The following MROH1 variants were observed in gnomAD, a reference collection of about 807,000 sequenced individuals.
MROH1 encodes maestro heat-like repeat-containing protein family member 1.
In MROH1, 117 loss-of-function variants were observed where a neutral mutation model predicts 116.5. The observed-to-expected ratio is 1.00, with a 90% CI of 0.86 to 1.17. The LOEUF (loss-of-function observed/expected upper bound fraction) is 1.17. MROH1 is among the 50% of genes most tolerant of loss of function. The pLI is 0.00. For synonymous variants in MROH1, 921 were observed against 583.9 expected, an observed-to-expected ratio of 1.58 and a Z score of -8.32; for missense variants, 1,873 against 1,338.5, an observed-to-expected ratio of 1.40 and a Z score of -6.23.
chr8:144,239,997 G>A (rs999757315), intron 18 of MROH1, 104 bp from the exon 19 acceptor site: 3 of 717,882 alleles, frequency 4.2e-6, no homozygotes, highest in Admixed American at 4.0e-5. Context: ...GCGGGGCGGC[G>A]GGGCCTGTCT....
At chr8:144,200,723 T>G (rs981294860) in intron 12 of MROH1, 182 bp downstream of exon 12, 1 of 591,668 alleles carries the variant, frequency 1.7e-6, no homozygotes, top group Admixed American at 2.8e-5. Flanking sequence ...GTGGTACCTT[T>G]CTACCCTTCG....
At chr8:144,178,520 C>T (rs1468624823) in intron 4 of MROH1, among the ~76,000 whole-genome samples, 8 of 152,136 alleles carry the variant, frequency 5.3e-5, no homozygotes, top group African/African-American at 1.9e-4. Flanking sequence ...CCGCCCGCCT[C>T]GGCCTCCCTA....
intron 7 of MROH1, among the ~76,000 whole-genome samples, chr8:144,187,013 G>GCTTGAA (rs1827361281): frequency 6.6e-6 from 1 of 151,898 alleles, no homozygotes; most frequent in Non-Finnish European, 1.5e-5. Flanking sequence ...CAGGAGAATT[G>GCTTGAA]CTTGAACCTG....
At position 144,236,667 on chromosome 8, in the gene MROH1, C is replaced by T. The variant is rs1176610636; in HGVS notation, c.1339-2089C>T. Among the ~76,000 whole-genome samples the T allele has an allele frequency of 1.6e-4, 25 of 151,732 alleles. No individual in the cohort carries two copies. The South Asian group carries it at 4.2e-3, about 25-fold the overall frequency. On this transcript the variant is annotated intron_variant, in intron 14 of 43. Coordinates refer to ENST00000326134, the MANE Select transcript of MROH1 (RefSeq NM_032450.3). ...CTGAGGGAGGAGAATTGCTTGAACCCGGGAGGCAGAGGTTGCAGTGAGCTG... is the reference window on the plus strand; with the variant it reads ...CTGAGGGAGGAGAATTGCTTGAACCTGGGAGGCAGAGGTTGCAGTGAGCTG...
At chr8:144,213,954 G>A (rs1001510715) in intron 12 of MROH1, 2 of 151,432 alleles carry the variant, frequency 1.3e-5, no homozygotes, top group African/African-American at 4.9e-5. Context: ...TCTTTGTTTT[G>A]GTTTTGTTTT....
intron 12 of MROH1, among the ~76,000 whole-genome samples, chr8:144,209,590 AAG>A (rs1491366384): frequency 7.5e-5 from 11 of 146,142 alleles, no homozygotes; most frequent in African/African-American, 2.7e-4. Flanking sequence ...AAAAAAAAAA[AAG>A]AAAAAAGAAA....
intron 4 of MROH1, among the ~76,000 whole-genome samples, chr8:144,173,428 A>AT (rs869281103): frequency 2.5e-3 from 3 of 1,192 alleles, no homozygotes; most frequent in East Asian, 0.024. Context: ...TTTTTATTTT[A>AT]TTTTTTTTTT....
intron 7 of MROH1, among the ~76,000 whole-genome samples, chr8:144,181,190 C>A (rs1199998759): frequency 1.3e-5 from 2 of 150,248 alleles, no homozygotes; most frequent in Admixed American, 6.6e-5. Context: ...AGAACAGGAC[C>A]CTCGTGCCCA....
intron 35 of MROH1, among the ~76,000 whole-genome samples, chr8:144,257,482 C>T (rs1424188611): frequency 1.3e-5 from 2 of 152,220 alleles, no homozygotes; most frequent in African/African-American, 4.8e-5. Flanking sequence ...CAGGCCGCCT[C>T]ATTCCTGCCG....
Position 144,150,966 on chromosome 8 carries a change from G to A in MROH1, c.-177+2890G>A, listed in dbSNP as rs1359343560. Among the ~76,000 whole-genome samples the A allele has an allele frequency of 2.0e-5, 3 of 152,288 alleles. No homozygotes were observed. The East Asian group carries it at 5.8e-4, about 29-fold the overall frequency. ...TGTGCCTATATAAACCTGAGACCCA[G>A]GCCAGGCGTGATGGCTCACGCCTGT... On this transcript the variant is annotated intron_variant, in intron 1 of 43. Transcript: ENST00000326134.
At chr8:144,225,644 C>T (rs1266408585) in intron 14 of MROH1, among the ~76,000 whole-genome samples, 1 of 151,244 alleles carries the variant, frequency 6.6e-6, no homozygotes, top group East Asian at 2.0e-4. Flanking sequence ...CTCTGCCTCC[C>T]AGGTTCAGGC....
At chr8:144,153,201 CTT>C (rs1186362093) in intron 1 of MROH1, among the ~76,000 whole-genome samples, 2 of 145,310 alleles carry the variant, frequency 1.4e-5, no homozygotes, top group Admixed American at 6.9e-5. Flanking sequence ...GGAATTCCTT[CTT>C]TTTTTTTTTT....
At chr8:144,235,371 C>A (rs2132748156) in intron 14 of MROH1, among the ~76,000 whole-genome samples, 1 of 152,180 alleles carries the variant, frequency 6.6e-6, no homozygotes, top group East Asian at 1.9e-4. Context: ...GCTTAGCTGT[C>A]CCAGCTAGAA....
intron 7 of MROH1, among the ~76,000 whole-genome samples, chr8:144,186,282 C>T (rs1827147749): frequency 6.6e-6 from 1 of 152,028 alleles, no homozygotes. Flanking sequence ...CCACCACACC[C>T]AGCTAATTTT....
intron 7 of MROH1, among the ~76,000 whole-genome samples, chr8:144,185,713 GGAGGGGCGGCGGGGGGACGGT>G (rs1458743750): frequency 6.6e-5 from 4 of 60,442 alleles, no homozygotes; most frequent in African/African-American, 1.8e-4. Context: ...GGGGGGAGGG[GGAGGGGCGGCGGGGGGACGGT>G]GAGGGGCGGC....
At chr8:144,169,704 G>A (rs541997057) in intron 4 of MROH1, among the ~76,000 whole-genome samples, 102 of 140,452 alleles carry the variant, frequency 7.3e-4, no homozygotes, top group South Asian at 4.8e-3. Context: ...GTGCAGTGGC[G>A]TGATCTCGGC....
chr8:144,209,413 TA>T (rs1833599232), intron 12 of MROH1, among the ~76,000 whole-genome samples: 1 of 151,480 alleles, frequency 6.6e-6, no homozygotes, highest in Non-Finnish European at 1.5e-5. Flanking sequence ...ACCCCGTCTC[TA>T]CAAAAAATAC....
At position 144,161,015 on chromosome 8, in the gene MROH1, C is replaced by A. The variant is rs1046097686; in HGVS notation, c.-131C>A. The A allele has an allele frequency of 6.5e-6, 1 of 152,902 alleles. No individual in the cohort carries two copies. Among genetic ancestry groups the A allele is most frequent in the South Asian group, 2.1e-4 (1 of 4,828 alleles). 9.5% of individuals were successfully genotyped at this position (152,902 alleles called of 1,614,324 possible). On this transcript the variant is annotated 5_prime_UTR_variant, in exon 2 of 44. Transcript: ENST00000326134. Reference sequence around the variant, plus strand: ...TGTCAGCCGCCAGCTGAGGGCCATTCGCAGCTTCTCCAGGCCACCTGCATT... The same window carrying A: ...TGTCAGCCGCCAGCTGAGGGCCATTAGCAGCTTCTCCAGGCCACCTGCATT...
chr8:144,200,473 T>G lies in MROH1; in HGVS notation c.1073T>G (p.Leu358Arg). The G allele has an allele frequency of 6.4e-7, 1 of 1,551,990 alleles. No individual in the cohort carries two copies. The highest frequency in any genetic ancestry group is 8.7e-7 in the Non-Finnish European group (1 of 1,147,674). Residue 358 changes from leucine to arginine, a missense_variant, in exon 12 of 44, where the codon CTG (leucine) becomes CGG (arginine). Transcript: ENST00000326134. ...DRLLAFLLPRLDTSNERTRVG... is the reference protein window; with the variant it reads ...DRLLAFLLPRRDTSNERTRVG... ...CTACTGGCCTTCCTGCTGCCCAGGCTGGACACCAGCAATGAGAGGACCCGC... is the reference window on the plus strand; with the variant it reads ...CTACTGGCCTTCCTGCTGCCCAGGCGGGACACCAGCAATGAGAGGACCCGC...
Sources: allele counts gnomAD v4.1 joint callset (sites outside exome capture counted in the v4.1 genomes callset), GRCh38; gene constraint gnomAD v4.1.1; transcripts MANE v1.5; gene names NCBI Gene and HGNC (gene_info 2026-07-23, HGNC 2026-07-21).